Variants in PDE4A observed in about 807,000 individuals in gnomAD.
PDE4A encodes the protein phosphodiesterase 4A.
PDE4A carries 21 observed loss-of-function variants against 73.9 expected under a neutral mutation model. The observed-to-expected ratio is 0.28, with a 90% CI of 0.20 to 0.41. PDE4A has a LOEUF of 0.41. PDE4A is among the 10% of genes least tolerant of loss of function. PDE4A has a pLI of 1.00. For synonymous variants in PDE4A, 463 were observed against 505.4 expected, an observed-to-expected ratio of 0.92 and a Z score of 1.13; for missense variants, 958 against 1,211.4, an observed-to-expected ratio of 0.79 and a Z score of 3.10.
rs868592657 is a variant in PDE4A, at chr19:10,432,182, G to C, written c.320+11098G>C. On this transcript the variant is annotated intron_variant, in intron 1 of 14. Transcript: ENST00000380702. ...AGGCCTAGGAGGGAGGAGACGGGGG[G>C]GGGGGGGGGAAGTGTGCGTCCGACT... Among the ~76,000 whole-genome samples, 12 of 142,490 alleles carry C rather than the reference G, an allele frequency of 8.4e-5. 2 individuals carry two copies. Among genetic ancestry groups the C allele is most frequent in the African/African-American group, 1.8e-4 (7 of 38,366 alleles). The allele number at this position is 142,490 out of a possible 152,430, so 93.5% of individuals were successfully genotyped here. A position where few individuals can be genotyped will look rare whatever the true frequency, so the allele number is the denominator to read the frequency against.
chr19:10,454,417 C>T (rs1483999727), intron 6 of PDE4A, among the ~76,000 whole-genome samples: 1 of 152,218 alleles, frequency 6.6e-6, no homozygotes, highest in African/African-American at 2.4e-5. Context: ...GCTTGCCCCC[C>T]TTTTCCCCAG....
intron 1 of PDE4A, chr19:10,428,976 A>G (rs2145462277): frequency 4.6e-6 from 3 of 654,450 alleles, no homozygotes; most frequent in Non-Finnish European, 5.7e-6. Flanking sequence ...ATTGTGGCAC[A>G]TGCCTGTAAT....
intron 12 of PDE4A, 90 bp from the exon 13 acceptor site, chr19:10,461,787 G>A: frequency 1.3e-6 from 2 of 1,580,154 alleles, no homozygotes; most frequent in South Asian, 2.3e-5. Context: ...TGGACAGAGC[G>A]GGCGGCTTCT....
upstream of PDE4A, chr19:10,417,908 C>G: frequency 1.3e-6 from 2 of 1,524,810 alleles, no homozygotes; most frequent in South Asian, 1.2e-5. Flanking sequence ...GTTGGGGAGG[C>G]ACAGTGCCAA....
At chr19:10,462,832 G>T (rs1280332186) in intron 13 of PDE4A, among the ~76,000 whole-genome samples, 11 of 151,372 alleles carry the variant, frequency 7.3e-5, no homozygotes, top group South Asian at 6.3e-4. Context: ...ACCTCTCCCC[G>T]TTACCTCCTC....
At chr19:10,452,657 AT>A (rs1301940197) in intron 6 of PDE4A, among the ~76,000 whole-genome samples, 1 of 151,930 alleles carries the variant, frequency 6.6e-6, no homozygotes, top group African/African-American at 2.4e-5. Context: ...AACAGAAAGC[AT>A]TTGAGTATCT....
At chr19:10,454,543 G>T (rs1482233911) in intron 6 of PDE4A, among the ~76,000 whole-genome samples, 1 of 152,202 alleles carries the variant, frequency 6.6e-6, no homozygotes, top group Non-Finnish European at 1.5e-5. Flanking sequence ...TTCCACAGGT[G>T]CCCCTCTAGC....
chr19:10,435,004 C>T (rs1281222449), intron 1 of PDE4A, among the ~76,000 whole-genome samples: 1 of 150,480 alleles, frequency 6.6e-6, no homozygotes, highest in Non-Finnish European at 1.5e-5. Context: ...GATGCTCCAA[C>T]AGGCATGAGC....
At chr19:10,425,831 CA>C (rs1481017846) in intron 1 of PDE4A, among the ~76,000 whole-genome samples, 2 of 151,214 alleles carry the variant, frequency 1.3e-5, no homozygotes, top group African/African-American at 4.9e-5. Context: ...ACTAAAAATA[CA>C]AAAATTAGCC....
chr19:10,443,287 A>G (rs2042962183), intron 1 of PDE4A, among the ~76,000 whole-genome samples: 1 of 152,054 alleles, frequency 6.6e-6, no homozygotes, highest in Non-Finnish European at 1.5e-5. Context: ...TTGGGAGCCC[A>G]AGGCAGGTGG....
chr19:10,463,137 C>G (rs1406109299), intron 13 of PDE4A, among the ~76,000 whole-genome samples: 4 of 151,550 alleles, frequency 2.6e-5, no homozygotes, highest in African/African-American at 9.7e-5. Context: ...CTCTGTCACC[C>G]AGGCTAGAGG....
chr19:10,447,415 CG>C, intron 2 of PDE4A, among the ~76,000 whole-genome samples: 3 of 149,934 alleles, frequency 2.0e-5, no homozygotes. Context: ...TTAGTAGAGA[CG>C]GGGTTTCACC....
chr19:10,417,614 G>T, upstream of PDE4A: 1 of 1,536,494 alleles, frequency 6.5e-7, no homozygotes, highest in Non-Finnish European at 8.7e-7. Flanking sequence ...GGGGCTCAGA[G>T]CTTCCCAGCC....
intron 7 of PDE4A, among the ~76,000 whole-genome samples, chr19:10,457,571 G>A (rs1265034633): frequency 6.6e-6 from 1 of 152,074 alleles, no homozygotes; most frequent in Non-Finnish European, 1.5e-5. Flanking sequence ...GGTGTTCGGG[G>A]TAGGCAGCGG....
intron 2 of PDE4A, among the ~76,000 whole-genome samples, chr19:10,448,123 T>C (rs2043037992): frequency 6.7e-6 from 1 of 149,476 alleles, no homozygotes; most frequent in South Asian, 2.1e-4. Context: ...TTTTTTGAGA[T>C]GGAATCTTGC....
chr19:10,461,142 GA>G (rs1301179879), intron 11 of PDE4A, 39 bp downstream of exon 11: 3 of 1,598,424 alleles, frequency 1.9e-6, no homozygotes, highest in Non-Finnish European at 2.6e-6. Context: ...TGCTGAGTTG[GA>G]GGCGGTGTTG....
chr19:10,465,032 T>TC (rs1465872092), intron 14 of PDE4A, among the ~76,000 whole-genome samples: 1 of 151,610 alleles, frequency 6.6e-6, no homozygotes, highest in Non-Finnish European at 1.5e-5. Context: ...CCACTTTATA[T>TC]CCTCCCTGGT....
At position 10,466,991 on chromosome 19, in the gene PDE4A, C is replaced by G; in HGVS notation, c.2031C>G (p.Asp677Glu). 6.2e-7 allele frequency: 1 copy of G among 1,614,178 alleles called. No homozygotes were observed. Among genetic ancestry groups the G allele is most frequent in the Non-Finnish European group, 8.5e-7 (1 of 1,180,034 alleles). Reference protein sequence around the residue: ...EILDTLEDNRDWYYSAIRQSP... With the variant: ...EILDTLEDNREWYYSAIRQSP... ...TGGACACTTTGGAGGACAACCGGGA[C>G]TGGTACTACAGCGCCATCCGGCAGA... Residue 677 changes from aspartate (D) to glutamate (E), a missense_variant, in exon 15 of 15, where the codon GAC becomes GAG. Transcript: ENST00000380702.
chr19:10,434,426 T>G (rs2042837116), intron 1 of PDE4A, among the ~76,000 whole-genome samples: 1 of 152,062 alleles, frequency 6.6e-6, no homozygotes, highest in Non-Finnish European at 1.5e-5. Flanking sequence ...CAGGCTGATC[T>G]CAAACTCCTG....
Sources: gnomAD v4.1 joint callset for allele counts (sites outside exome capture counted in the v4.1 genomes callset) on GRCh38, gnomAD v4.1.1 for gene constraint, MANE v1.5 for transcripts, NCBI Gene and HGNC (gene_info 2026-07-23, HGNC 2026-07-21) for gene names.